Variants in GALNT13 observed in about 807,000 individuals in gnomAD.
GALNT13 encodes UDP-GalNAc:polypeptide N-acetylgalactosaminyltransferase 13.
GALNT13 carries 28 observed loss-of-function variants against 64.2 expected under a neutral mutation model. The ratio of observed to expected loss-of-function variants is 0.44; its 90% CI spans 0.32 to 0.60. The LOEUF (loss-of-function observed/expected upper bound fraction) is 0.60, where lower values mean the gene tolerates loss of function less well. Among genes scored for constraint, GALNT13 ranks in the 20% least tolerant of loss-of-function variants. GALNT13 has a pLI of 0.05. For synonymous variants in GALNT13, 214 were observed against 224.6 expected (o/e 0.95, Z 0.42); for missense variants, 577 against 669.8 (o/e 0.86, Z 1.53).
the GALNT13 span, among the ~76,000 whole-genome samples, chr2:153,458,841 T>G: frequency 2.0e-5 from 3 of 152,208 alleles, no homozygotes; most frequent in African/African-American, 7.2e-5. Context: ...TGAAGTTTGC[T>G]CCAACAATTT....
chr2:153,855,605 A>G, the GALNT13 span, among the ~76,000 whole-genome samples: 638 of 152,294 alleles, frequency 4.2e-3, 4 homozygotes, highest in African/African-American at 0.015. Flanking sequence ...TCCAGGATGT[A>G]GAGAAATTGT....
the GALNT13 span, among the ~76,000 whole-genome samples, chr2:153,073,879 T>A: frequency 1.5e-4 from 23 of 152,254 alleles, no homozygotes; most frequent in Non-Finnish European, 3.2e-4. Context: ...CCTTTATAAT[T>A]TGTTTTTTAA....
intron 9 of GALNT13, among the ~76,000 whole-genome samples, chr2:154,307,352 C>G (rs1451540167): frequency 6.6e-6 from 1 of 152,132 alleles, no homozygotes; most frequent in Non-Finnish European, 1.5e-5. Context: ...AATAAGGTTA[C>G]TTTTATACAT....
At chr2:153,262,492 CA>C in the GALNT13 span, among the ~76,000 whole-genome samples, 1 of 151,970 alleles carries the variant, frequency 6.6e-6, no homozygotes, top group Admixed American at 6.6e-5. Context: ...AGAAATACAA[CA>C]AAAAAGGAAA....
At chr2:153,617,424 G>A in the GALNT13 span, among the ~76,000 whole-genome samples, 1 of 151,948 alleles carries the variant, frequency 6.6e-6, no homozygotes, top group Non-Finnish European at 1.5e-5. Flanking sequence ...ACTTGGTCAT[G>A]ATAAATGTTC....
chr2:153,899,960 G>T (rs1363076104), intron 1 of GALNT13, among the ~76,000 whole-genome samples: 2 of 131,554 alleles, frequency 1.5e-5, no homozygotes, highest in South Asian at 2.4e-4. Context: ...TTTTGAGATG[G>T]AGTCTCATTC....
At chr2:153,552,841 G>A in the GALNT13 span, among the ~76,000 whole-genome samples, 1 of 152,164 alleles carries the variant, frequency 6.6e-6, no homozygotes, top group Admixed American at 6.5e-5. Context: ...CTCATAAGGA[G>A]TGTGCAACCT....
intron 4 of GALNT13, among the ~76,000 whole-genome samples, chr2:154,226,084 C>T (rs897609080): frequency 3.3e-5 from 5 of 152,062 alleles, no homozygotes; most frequent in Middle Eastern, 3.4e-3. Flanking sequence ...TTATGACCCA[C>T]CTTGGAAAAG....
At chr2:154,363,802 C>A (rs1024199108) in intron 9 of GALNT13, among the ~76,000 whole-genome samples, 1 of 152,152 alleles carries the variant, frequency 6.6e-6, no homozygotes, top group African/African-American at 2.4e-5. Flanking sequence ...TGTCTATATT[C>A]ATCTGAAAAT....
At chr2:153,292,798 G>A in the GALNT13 span, among the ~76,000 whole-genome samples, 2 of 151,900 alleles carry the variant, frequency 1.3e-5, no homozygotes, top group African/African-American at 2.4e-5. Context: ...AGAAGAAAAG[G>A]TTACCCATAA....
intron 11 of GALNT13, among the ~76,000 whole-genome samples, chr2:154,412,616 T>A (rs1306197300): frequency 1.3e-5 from 2 of 151,796 alleles, no homozygotes; most frequent in African/African-American, 2.4e-5. Context: ...TTTGATAGTT[T>A]AGGGGTTTTT....
chr2:153,345,445 T>C, the GALNT13 span, among the ~76,000 whole-genome samples: 3 of 152,028 alleles, frequency 2.0e-5, no homozygotes, highest in Non-Finnish European at 4.4e-5. Context: ...CTGAAGAGAA[T>C]AATGTGTTCT....
At chr2:153,169,481 G>A in the GALNT13 span, among the ~76,000 whole-genome samples, 1 of 152,172 alleles carries the variant, frequency 6.6e-6, no homozygotes, top group South Asian at 2.1e-4. Context: ...AGTTTCTACA[G>A]GAATTAGGAG....
intron 3 of GALNT13, among the ~76,000 whole-genome samples, chr2:153,981,386 G>A (rs1694451291): frequency 6.6e-6 from 1 of 151,892 alleles, no homozygotes; most frequent in South Asian, 2.1e-4. Flanking sequence ...CCCATAACAG[G>A]CCCTGGTGTG....
At chr2:153,228,164 T>A in the GALNT13 span, among the ~76,000 whole-genome samples, 1 of 152,178 alleles carries the variant, frequency 6.6e-6, no homozygotes, top group African/African-American at 2.4e-5. Context: ...GACAGATGTT[T>A]AAGATAAGAG....
chr2:153,736,317 G>A, the GALNT13 span, among the ~76,000 whole-genome samples: 4 of 152,210 alleles, frequency 2.6e-5, no homozygotes, highest in South Asian at 6.2e-4. Flanking sequence ...TGGCCAATGG[G>A]AGCCCTTCAG....
intron 3 of GALNT13, among the ~76,000 whole-genome samples, chr2:154,122,897 G>C (rs912254866): frequency 6.6e-5 from 10 of 151,064 alleles, no homozygotes; most frequent in African/African-American, 2.4e-4. Flanking sequence ...TCAAACTGTG[G>C]AAAACTAAAG....
chr2:153,142,179 C>A, the GALNT13 span, among the ~76,000 whole-genome samples: 5 of 152,164 alleles, frequency 3.3e-5, no homozygotes, highest in Non-Finnish European at 5.9e-5. Flanking sequence ...GTGCTTAATT[C>A]ATTGTGAGAG....
the GALNT13 span, among the ~76,000 whole-genome samples, chr2:153,383,693 A>C: frequency 6.6e-6 from 1 of 152,056 alleles, no homozygotes; most frequent in Admixed American, 6.6e-5. Context: ...CCCTAAAAAT[A>C]AATTTGTTCA....
Sources: allele counts gnomAD v4.1 joint callset (sites outside exome capture counted in the v4.1 genomes callset), GRCh38; gene constraint gnomAD v4.1.1; transcripts MANE v1.5; gene names NCBI Gene and HGNC (gene_info 2026-07-23, HGNC 2026-07-21).